The following SLIT2 variants were observed in gnomAD, a reference collection of about 807,000 sequenced individuals.
SLIT2 encodes the protein slit homolog 2 protein.
Under a neutral mutation model 185.7 loss-of-function variants are expected in SLIT2, and 41 were observed. The observed-to-expected ratio is 0.22, with a 90% CI of 0.17 to 0.29. The LOEUF is 0.29. Ranked by LOEUF, SLIT2 falls within the 10% of genes least tolerant of loss-of-function variation. SLIT2 has a pLI of 1.00. For synonymous variants in SLIT2, 693 were observed against 680.2 expected, an observed-to-expected ratio of 1.02 and a Z score of -0.29; for missense variants, 1,571 against 1,909.0, an observed-to-expected ratio of 0.82 and a Z score of 3.30.
At chr4:20,486,966 G>C (rs2148790104) in intron 7 of SLIT2, among the ~76,000 whole-genome samples, 1 of 151,982 alleles carries the variant, frequency 6.6e-6, no homozygotes, top group African/African-American at 2.4e-5. Flanking sequence ...TGTAGGACAT[G>C]ATTGGAAGCA....
In SLIT2 at chr4:20,549,091, C is replaced by T; in HGVS notation, c.2452C>T (p.Pro818Ser). The T allele has an allele frequency of 6.2e-7, 1 of 1,600,496 alleles. No individual in the cohort carries two copies. Among genetic ancestry groups the T allele is most frequent in the Non-Finnish European group, 8.6e-7 (1 of 1,168,144 alleles). The change falls in exon 24 of 37, where the codon CCT (proline) becomes TCT (serine). Residue 818 changes from proline to serine, a missense_variant. Around this residue, in one of 3 missense-constraint regions of SLIT2, gnomAD observed 1,202 missense variants for 1,416.4 expected, o/e 0.85. Transcript: ENST00000504154. ...LSYNRLRCIP[P>S]RTFDGLKSLR... ...TTACAACCGTCTGAGATGTATTCCT[C>T]CTCGCACCTTTGATGGATTAAAGTC...
At chr4:20,377,688 T>G (rs1724142629) in intron 4 of SLIT2, among the ~76,000 whole-genome samples, 2 of 151,720 alleles carry the variant, frequency 1.3e-5, no homozygotes, top group African/African-American at 4.8e-5. Context: ...ATTGAGGGAG[T>G]GAATTTCTCA....
chr4:20,282,101 G>A (rs1289075901), intron 4 of SLIT2, among the ~76,000 whole-genome samples: 1 of 152,168 alleles, frequency 6.6e-6, no homozygotes, highest in East Asian at 1.9e-4. Flanking sequence ...AAGTAAATGT[G>A]ACAGAGGGGT....
chr4:20,448,798 C>T (rs1433158949), intron 4 of SLIT2, among the ~76,000 whole-genome samples: 1 of 152,008 alleles, frequency 6.6e-6, no homozygotes, highest in African/African-American at 2.4e-5. Context: ...CCACCACACC[C>T]AGCTAATTTT....
intron 4 of SLIT2, among the ~76,000 whole-genome samples, chr4:20,440,005 C>A (rs186870233): frequency 1.3e-5 from 2 of 152,134 alleles, no homozygotes; most frequent in South Asian, 4.1e-4. Context: ...TTTGCCAAAG[C>A]CTTCTAATGA....
intron 4 of SLIT2, among the ~76,000 whole-genome samples, chr4:20,369,792 A>G (rs976749474): frequency 2.6e-5 from 4 of 152,168 alleles, no homozygotes; most frequent in South Asian, 2.1e-4. Context: ...ATTGCTCACC[A>G]TATCTGGAGG....
Position 20,257,915 on chromosome 4 carries a change from A to G in SLIT2, c.299A>G (p.Gln100Arg), listed in dbSNP as rs1310496994. The G allele has an allele frequency of 1.3e-6, 2 of 1,555,676 alleles. No individual in the cohort carries two copies. The highest frequency in any genetic ancestry group is 1.8e-6 in the Non-Finnish European group (2 of 1,130,048). The change falls in exon 3 of 37, where the codon CAG (glutamine) becomes CGG (arginine). Residue 100 changes from glutamine (Q) to arginine (R), a missense_variant. Around this residue, in one of 3 missense-constraint regions of SLIT2, gnomAD observed 1,202 missense variants for 1,416.4 expected, o/e 0.85. Transcript: ENST00000504154. ...AGCACCATTGAAAGAGGAGCATTCCAGGATCTTAAAGAACTAGAGAGACTG... is the reference window on the plus strand; with the variant it reads ...AGCACCATTGAAAGAGGAGCATTCCGGGATCTTAAAGAACTAGAGAGACTG... The part of the protein sequence containing the change: ...KISTIERGAF[Q>R]DLKELERLRL...
intron 11 of SLIT2, among the ~76,000 whole-genome samples, chr4:20,514,535 C>T (rs530302980): frequency 6.6e-6 from 1 of 152,188 alleles, no homozygotes; most frequent in Admixed American, 6.5e-5. Flanking sequence ...ATCCCAGCTA[C>T]TCGGAGAGTT....
chr4:20,484,179 C>T lies in SLIT2; in HGVS notation c.540-2021C>T, dbSNP rs964800740. ...TCTGCTCTCTGTGTAGTACTTAAAACAATTTATTCCCAAAGTCATATTTCA... is the reference window on the plus strand; with the variant it reads ...TCTGCTCTCTGTGTAGTACTTAAAATAATTTATTCCCAAAGTCATATTTCA... On this transcript the variant is annotated intron_variant, in intron 6 of 36. Transcript: ENST00000504154. This position sits in a 1 kb window ranked among gnomAD's most constrained non-coding sequence, Gnocchi z 4.3. Among the ~76,000 whole-genome samples the T allele has an allele frequency of 2.0e-5, 3 of 152,026 alleles. No individual in the cohort carries two copies. Among genetic ancestry groups the T allele is most frequent in the African/African-American group, 7.2e-5 (3 of 41,402 alleles).
intron 6 of SLIT2, among the ~76,000 whole-genome samples, chr4:20,483,400 A>T (rs1157514726): frequency 1.3e-5 from 2 of 152,066 alleles, no homozygotes; most frequent in South Asian, 4.1e-4. Flanking sequence ...TGATTTGTAG[A>T]ACTTAGAAGT....
intron 4 of SLIT2, among the ~76,000 whole-genome samples, chr4:20,274,132 T>A (rs945491740): frequency 1.3e-5 from 2 of 152,182 alleles, no homozygotes; most frequent in Admixed American, 1.3e-4. Context: ...ACTATCTGAA[T>A]TATATACTGA....
At chr4:20,499,735 G>T (rs955628474) in intron 9 of SLIT2, among the ~76,000 whole-genome samples, 6 of 152,040 alleles carry the variant, frequency 3.9e-5, no homozygotes, top group African/African-American at 1.4e-4. Flanking sequence ...TGATCTGCCT[G>T]CCTCAGCCTC....
chr4:20,452,908 G>A (rs1450196467), intron 4 of SLIT2, among the ~76,000 whole-genome samples: 1 of 152,060 alleles, frequency 6.6e-6, no homozygotes, highest in Non-Finnish European at 1.5e-5. Context: ...TATTCATGAG[G>A]GCCCACCCAG....
intron 6 of SLIT2, among the ~76,000 whole-genome samples, chr4:20,482,348 A>T (rs1243561964): frequency 6.6e-6 from 1 of 152,048 alleles, no homozygotes; most frequent in African/African-American, 2.4e-5. Flanking sequence ...GTATTTATTC[A>T]ATATATGTAT....
intron 4 of SLIT2, among the ~76,000 whole-genome samples, chr4:20,460,272 T>C (rs1713559039): frequency 6.6e-6 from 1 of 152,162 alleles, no homozygotes; most frequent in Non-Finnish European, 1.5e-5. Flanking sequence ...ATCCCTGCCT[T>C]TGTTTATCAT....
intron 4 of SLIT2, among the ~76,000 whole-genome samples, chr4:20,305,069 T>G (rs532731646): frequency 9.3e-4 from 142 of 152,290 alleles, no homozygotes; most frequent in Middle Eastern, 3.4e-3. Context: ...TTTTGGCAAA[T>G]AGGTATTCGA....
At chr4:20,285,461 A>G (rs1715171744) in intron 4 of SLIT2, among the ~76,000 whole-genome samples, 1 of 152,162 alleles carries the variant, frequency 6.6e-6, no homozygotes, top group Non-Finnish European at 1.5e-5. Context: ...TTATCAGAAA[A>G]CTGAGATAAG....
chr4:20,576,585 C>T (rs919553744), intron 29 of SLIT2, among the ~76,000 whole-genome samples: 2 of 152,230 alleles, frequency 1.3e-5, no homozygotes, highest in Non-Finnish European at 2.9e-5. Context: ...GTTATAGTTG[C>T]GGACACACTT....
At chr4:20,411,466 T>A (rs1187399107) in intron 4 of SLIT2, among the ~76,000 whole-genome samples, 2 of 152,040 alleles carry the variant, frequency 1.3e-5, no homozygotes, top group South Asian at 4.2e-4. Context: ...AGCCAGGGGG[T>A]CTGGCTTCTG....
Sources: gnomAD v4.1 joint callset for allele counts (sites outside exome capture counted in the v4.1 genomes callset) on GRCh38, gnomAD v4.1.1 for gene constraint, gnomAD v4.1.1 regional missense constraint, Gnocchi (gnomAD v3.1) non-coding constraint, MANE v1.5 for transcripts, NCBI Gene and HGNC (gene_info 2026-07-23, HGNC 2026-07-21) for gene names.